Variants in SS18 observed in about 807,000 individuals in gnomAD.
The protein encoded by SS18 is protein SSXT.
SS18 carries 28 observed loss-of-function variants against 72.5 expected under a neutral mutation model. The ratio of observed to expected loss-of-function variants is 0.39; its 90% CI spans 0.29 to 0.53. The LOEUF (loss-of-function observed/expected upper bound fraction) is 0.53, where lower values mean the gene tolerates loss of function less well. Ranked by LOEUF, SS18 falls within the 20% of genes least tolerant of loss-of-function variation. The pLI, the probability that SS18 is intolerant of heterozygous loss-of-function variation, is 0.76. For missense variants in SS18, 518 were observed against 535.3 expected (o/e 0.97, Z 0.32); for synonymous variants, 172 against 164.2 (o/e 1.05, Z -0.37).
intron 5 of SS18, among the ~76,000 whole-genome samples, chr18:26,047,259 CAAAAAAAAAAAAA>C (rs71169806): frequency 2.8e-4 from 21 of 75,716 alleles, no homozygotes; most frequent in African/African-American, 6.9e-4. Flanking sequence ...AGTAATATGC[CAAAAAAAAAAAAA>C]AAAAAAAAAA....
intron 3 of SS18, among the ~76,000 whole-genome samples, chr18:26,067,368 C>T (rs1420687857): frequency 6.6e-6 from 1 of 152,162 alleles, no homozygotes; most frequent in African/African-American, 2.4e-5. Flanking sequence ...ATACTACTTG[C>T]TTGAGACAGA....
At chr18:26,063,666 A>T (rs2054164287) in intron 3 of SS18, among the ~76,000 whole-genome samples, 1 of 152,198 alleles carries the variant, frequency 6.6e-6, no homozygotes, top group Non-Finnish European at 1.5e-5. Flanking sequence ...TGCTTACAGG[A>T]CCATTTATAG....
At chr18:26,053,026 T>C (rs1394291667) in intron 4 of SS18, among the ~76,000 whole-genome samples, 181 bp from the exon 5 acceptor site, 2 of 152,200 alleles carry the variant, frequency 1.3e-5, no homozygotes, top group Admixed American at 6.5e-5. Flanking sequence ...ATTCCCATTT[T>C]TGGATTAAGA....
At chr18:26,085,793 A>C (rs1160964575) in intron 2 of SS18, 1 of 152,204 alleles carries the variant, frequency 6.6e-6, no homozygotes, top group East Asian at 1.9e-4. Context: ...ACTTTTAAAC[A>C]AAGGGGAAAA....
At chr18:26,066,345 T>C (rs1030706775) in intron 3 of SS18, among the ~76,000 whole-genome samples, 1 of 152,104 alleles carries the variant, frequency 6.6e-6, no homozygotes, top group Non-Finnish European at 1.5e-5. Context: ...CTGCCAACTT[T>C]CATGTTTTTT....
At chr18:26,051,957 T>A (rs1393523558) in intron 5 of SS18, among the ~76,000 whole-genome samples, 2 of 149,714 alleles carry the variant, frequency 1.3e-5, no homozygotes, top group African/African-American at 2.5e-5. Flanking sequence ...TAATTCTATC[T>A]TACAGTCTTA....
rs114997188 is a variant in SS18, at chr18:26,048,378, T to C, written c.607+4246A>G. On this transcript the variant is annotated intron_variant, in intron 5 of 10. Transcript: ENST00000415083. ...AAGTGAAAATGGCTTTGTTGTATTA[T>C]AATACATCCATACAAAGAATGTTGC... Among the ~76,000 whole-genome samples the C allele has an allele frequency of 8.3e-3, 1,259 of 152,308 alleles. 17 individuals carry two copies. Among genetic ancestry groups the C allele is most frequent in the African/African-American group, 0.029 (1,201 of 41,574 alleles).
intron 2 of SS18, among the ~76,000 whole-genome samples, chr18:26,085,263 T>C (rs2144182802): frequency 6.6e-6 from 1 of 152,284 alleles, no homozygotes; most frequent in Non-Finnish European, 1.5e-5. Flanking sequence ...CAAACTCATG[T>C]CGTCAAAGCA....
chr18:26,042,986 AAAT>A (rs1230178756), intron 5 of SS18, among the ~76,000 whole-genome samples: 2 of 152,204 alleles, frequency 1.3e-5, no homozygotes, highest in Non-Finnish European at 2.9e-5. Flanking sequence ...AAATTATTTT[AAAT>A]AATATTGTTT....
chr18:26,022,739 G>A (rs927819737), intron 10 of SS18, among the ~76,000 whole-genome samples: 7 of 152,198 alleles, frequency 4.6e-5, no homozygotes, highest in African/African-American at 1.7e-4. Flanking sequence ...CTGTGGAGAT[G>A]TGCAGAGGAA....
intron 3 of SS18, among the ~76,000 whole-genome samples, chr18:26,062,927 T>TG (rs1269318914): frequency 6.6e-6 from 1 of 152,058 alleles, no homozygotes; most frequent in Non-Finnish European, 1.5e-5. Flanking sequence ...AAATAACAGT[T>TG]GGAGATTTTA....
chr18:26,088,768 T>C (rs1232912117), intron 1 of SS18, among the ~76,000 whole-genome samples: 2 of 152,086 alleles, frequency 1.3e-5, no homozygotes, highest in Non-Finnish European at 2.9e-5. Context: ...ACCCTACCAG[T>C]ATTCAAAAGT....
chr18:26,037,821 T>C (rs2053650495), intron 7 of SS18, among the ~76,000 whole-genome samples: 1 of 152,130 alleles, frequency 6.6e-6, no homozygotes, highest in African/African-American at 2.4e-5. Context: ...TTTTCAAGCA[T>C]ACAGAAAAAT....
intron 3 of SS18, among the ~76,000 whole-genome samples, chr18:26,062,997 G>T (rs550668028): frequency 6.6e-6 from 1 of 152,102 alleles, no homozygotes; most frequent in Non-Finnish European, 1.5e-5. Context: ...AAAAAATTTT[G>T]ACATTACTAG....
chr18:26,046,228 G>A (rs12454323), intron 5 of SS18, among the ~76,000 whole-genome samples: 2 of 136,296 alleles, frequency 1.5e-5, no homozygotes, highest in South Asian at 2.2e-4. Flanking sequence ...GAAAAAAAAA[G>A]GAAAAAAAAA....
intron 5 of SS18, among the ~76,000 whole-genome samples, chr18:26,048,539 C>T: frequency 6.6e-6 from 1 of 152,134 alleles, no homozygotes; most frequent in East Asian, 1.9e-4. Context: ...TCTTAATAAT[C>T]CATTGTGTAA....
chr18:26,046,309 C>T (rs983077438), intron 5 of SS18, among the ~76,000 whole-genome samples: 1 of 151,806 alleles, frequency 6.6e-6, no homozygotes, highest in Non-Finnish European at 1.5e-5. Context: ...AAAGTAGTTC[C>T]CTTCTCCTAA....
At chr18:26,090,809 T>G, upstream of SS18, 1 of 576,326 alleles carries the variant, frequency 1.7e-6, no homozygotes, top group East Asian at 3.0e-5. Context: ...CGTCCCTGCA[T>G]CCCCCGAGCT....
chr18:26,050,618 T>C (rs930573203), intron 5 of SS18, among the ~76,000 whole-genome samples: 2 of 152,122 alleles, frequency 1.3e-5, no homozygotes, highest in African/African-American at 2.4e-5. Flanking sequence ...ATAACTTTCT[T>C]TTTTGGTAAC....
Sources: allele counts gnomAD v4.1 joint callset (sites outside exome capture counted in the v4.1 genomes callset), GRCh38; gene constraint gnomAD v4.1.1; transcripts MANE v1.5; gene names NCBI Gene and HGNC (gene_info 2026-07-23, HGNC 2026-07-21).